Variants in SYT16 observed in about 807,000 individuals in gnomAD.
SYT16 encodes synaptotagmin 16, also known as synaptotagmin-16.
A neutral mutation model predicts 61.4 loss-of-function variants in SYT16; 42 were observed. The observed-to-expected ratio is 0.68, with a 90% CI of 0.53 to 0.89. The LOEUF (loss-of-function observed/expected upper bound fraction) is 0.89, where lower values mean the gene tolerates loss of function less well. SYT16 is among the 40% of genes least tolerant of loss of function. The pLI is 0.00. For missense variants in SYT16, 804 were observed against 807.3 expected (o/e 1.00, Z 0.05); for synonymous variants, 314 against 302.3 (o/e 1.04, Z -0.40).
chr14:62,050,106 C>A (rs1044132712), intron 3 of SYT16, among the ~76,000 whole-genome samples: 11 of 152,214 alleles, frequency 7.2e-5, no homozygotes, highest in African/African-American at 2.7e-4. Flanking sequence ...CTTTCAGGTA[C>A]ACCAGTCAGA....
rs2057410969 is a variant in SYT16, at chr14:62,101,201, T to C, written c.*494T>C. ...TCAAACTCTAATCCATAAACTCTTA[T>C]TTCACATTTTTCTCTTTATCAAAGA... On this transcript the variant is annotated 3_prime_UTR_variant, in exon 8 of 8. Transcript: ENST00000683842. 1 of 152,846 alleles carries C rather than the reference T, an allele frequency of 6.5e-6. No individual in the cohort carries two copies. The highest frequency in any genetic ancestry group is 1.5e-5 in the Non-Finnish European group (1 of 68,202). 9.5% of individuals were successfully genotyped at this position (152,846 alleles called of 1,614,324 possible).
At chr14:61,874,505 A>G (rs974795917) in intron 1 of SYT16, among the ~76,000 whole-genome samples, 2 of 152,168 alleles carry the variant, frequency 1.3e-5, no homozygotes, top group Non-Finnish European at 2.9e-5. Context: ...TACACAATAT[A>G]TTTTTATATC....
At chr14:61,930,872 G>A (rs1310960397) in intron 1 of SYT16, among the ~76,000 whole-genome samples, 1 of 152,150 alleles carries the variant, frequency 6.6e-6, no homozygotes, top group African/African-American at 2.4e-5. Flanking sequence ...GCCACTTGTA[G>A]AGGCAGGAAA....
chr14:62,097,376 A>G (rs1045952251), intron 7 of SYT16, among the ~76,000 whole-genome samples: 3 of 152,188 alleles, frequency 2.0e-5, no homozygotes, highest in Non-Finnish European at 1.5e-5. Flanking sequence ...TGTAGCCACT[A>G]TTACCAGTTT....
intron 3 of SYT16, among the ~76,000 whole-genome samples, chr14:62,057,672 T>C (rs1281977778): frequency 6.6e-6 from 1 of 152,162 alleles, no homozygotes; most frequent in Non-Finnish European, 1.5e-5. Context: ...AATGACTTAA[T>C]GCTGGGAATA....
At chr14:62,081,403 A>C in intron 6 of SYT16, 129 bp downstream of exon 6, 1 of 1,028,474 alleles carries the variant, frequency 9.7e-7, no homozygotes, top group South Asian at 1.7e-5. Flanking sequence ...GGCTCTCCTC[A>C]CCCTTGTAAG....
intron 2 of SYT16, among the ~76,000 whole-genome samples, chr14:61,992,175 T>A (rs1374601754): frequency 6.6e-6 from 1 of 152,078 alleles, no homozygotes; most frequent in Admixed American, 6.6e-5. Context: ...TGATTGTAGA[T>A]GAAGAGTTGA....
intron 4 of SYT16, among the ~76,000 whole-genome samples, chr14:62,070,893 G>C (rs537303391): frequency 2.8e-4 from 42 of 152,234 alleles, no homozygotes; most frequent in Non-Finnish European, 5.1e-4. Context: ...AAAAAGGAGG[G>C]TGCAGAAATT....
At chr14:62,044,905 A>G (rs8016938) in intron 3 of SYT16, among the ~76,000 whole-genome samples, 69,112 of 151,952 alleles carry the variant, frequency 0.45, 18,875 homozygotes, top group African/African-American at 0.78. Flanking sequence ...TTTGGGAGGC[A>G]GAGGTGGGTG....
At chr14:62,018,864 C>T (rs1006115025) in intron 3 of SYT16, among the ~76,000 whole-genome samples, 21 of 152,276 alleles carry the variant, frequency 1.4e-4, no homozygotes, top group African/African-American at 4.6e-4. Flanking sequence ...ACCTGTTTTA[C>T]TTGTTTGTTT....
At chr14:62,093,276 A>T (rs2141006501) in intron 7 of SYT16, among the ~76,000 whole-genome samples, 1 of 152,244 alleles carries the variant, frequency 6.6e-6, no homozygotes, top group South Asian at 2.1e-4. Context: ...AATAAAGCAA[A>T]TGTAACCAAT....
intron 1 of SYT16, among the ~76,000 whole-genome samples, chr14:61,934,343 T>G (rs949613390): frequency 1.3e-5 from 2 of 152,230 alleles, no homozygotes; most frequent in African/African-American, 4.8e-5. Context: ...CCATTAAATG[T>G]TAATCATCTC....
intron 1 of SYT16, among the ~76,000 whole-genome samples, chr14:61,864,202 CT>C (rs1470671042): frequency 2.6e-5 from 4 of 152,226 alleles, no homozygotes; most frequent in African/African-American, 9.6e-5. Context: ...ATGAATAAAA[CT>C]ATTACGACCC....
At chr14:61,941,893 A>G (rs2050224884) in intron 1 of SYT16, among the ~76,000 whole-genome samples, 1 of 152,250 alleles carries the variant, frequency 6.6e-6, no homozygotes, top group African/African-American at 2.4e-5. Flanking sequence ...ATCTGGAGCC[A>G]GATGAAATCC....
chr14:61,871,848 C>A (rs969324359), intron 1 of SYT16, among the ~76,000 whole-genome samples: 5 of 152,118 alleles, frequency 3.3e-5, no homozygotes, highest in Admixed American at 1.3e-4. Context: ...TTTTTGTCCT[C>A]TATGAAGTTT....
At position 62,111,317 on chromosome 14, in the gene SYT16, CAGG is replaced by C. The variant is rs1275778015; in HGVS notation, c.*10613_*10615del. The stretch of plus-strand genomic sequence containing the variant: ...ATATGTAACTATTTTAGGAGATTTT[CAGG>C]AGATTTTACCCTACATGGAGTACAC... On this transcript the variant is annotated 3_prime_UTR_variant, in exon 8 of 8. Transcript: ENST00000683842. 2.0e-5 allele frequency: 3 copies of C among 151,998 alleles called. No homozygotes were observed. Among genetic ancestry groups the C allele is most frequent in the African/African-American group, 7.2e-5 (3 of 41,412 alleles). The allele number at this position is 151,998 out of a possible 1,614,324, so 9.4% of individuals were successfully genotyped here.
intron 1 of SYT16, among the ~76,000 whole-genome samples, chr14:61,969,263 TA>T (rs2140522799): frequency 6.6e-6 from 1 of 152,332 alleles, no homozygotes; most frequent in East Asian, 1.9e-4. Context: ...TCTAACCCTT[TA>T]TACAAGTTAA....
intron 1 of SYT16, among the ~76,000 whole-genome samples, chr14:61,854,495 A>G (rs2046716992): frequency 6.6e-6 from 1 of 152,254 alleles, no homozygotes; most frequent in Non-Finnish European, 1.5e-5. Flanking sequence ...TACTATAGTA[A>G]GAAATAGTAA....
intron 2 of SYT16, among the ~76,000 whole-genome samples, chr14:61,991,942 C>CATTG (rs1167659562): frequency 3.7e-5 from 5 of 133,794 alleles, no homozygotes; most frequent in African/African-American, 1.4e-4. Context: ...TCACTAATAA[C>CATTG]TTTGTTCGTT....
Sources: gnomAD v4.1 joint callset for allele counts (sites outside exome capture counted in the v4.1 genomes callset) on GRCh38, gnomAD v4.1.1 for gene constraint, MANE v1.5 for transcripts, NCBI Gene and HGNC (gene_info 2026-07-23, HGNC 2026-07-21) for gene names.